The following ROBO2 variants were observed in gnomAD, a reference collection of about 807,000 sequenced individuals.
The protein encoded by ROBO2 is roundabout homolog 2.
A neutral mutation model predicts 160.8 loss-of-function variants in ROBO2; 53 were observed. The observed-to-expected ratio is 0.33, with a 90% confidence interval of 0.26 to 0.41. The LOEUF is 0.41. ROBO2 is among the 10% of genes least tolerant of loss of function. The pLI, the probability that ROBO2 is intolerant of heterozygous loss-of-function variation, is 1.00. For synonymous variants in ROBO2, 664 were observed against 611.7 expected (o/e 1.09, Z -1.26); for missense variants, 1,577 against 1,722.4 (o/e 0.92, Z 1.49).
intron 2 of ROBO2, among the ~76,000 whole-genome samples, chr3:76,602,137 T>A (rs1158907088): frequency 1.3e-5 from 2 of 152,224 alleles, no homozygotes; most frequent in Non-Finnish European, 2.9e-5. Flanking sequence ...TTATTGTTCA[T>A]ATCACTATCA....
chr3:76,477,067 C>T (rs1283793130), intron 2 of ROBO2, among the ~76,000 whole-genome samples: 1 of 152,116 alleles, frequency 6.6e-6, no homozygotes, highest in Non-Finnish European at 1.5e-5. Context: ...CTGTAAAATG[C>T]AAATGATCCT....
intron 2 of ROBO2, among the ~76,000 whole-genome samples, chr3:77,272,140 C>A (rs2059532046): frequency 6.6e-6 from 1 of 152,160 alleles, no homozygotes; most frequent in African/African-American, 2.4e-5. Flanking sequence ...TGGGGAATTA[C>A]AGAAACTGAT....
At chr3:76,567,830 G>T (rs2084697152) in intron 2 of ROBO2, among the ~76,000 whole-genome samples, 3 of 136,534 alleles carry the variant, frequency 2.2e-5, no homozygotes, top group South Asian at 2.3e-4. Context: ...TTTTGGGGGG[G>T]GTTGGACAGA....
intron 2 of ROBO2, among the ~76,000 whole-genome samples, chr3:77,276,128 T>A (rs2059807556): frequency 6.6e-6 from 1 of 152,014 alleles, no homozygotes; most frequent in Non-Finnish European, 1.5e-5. Flanking sequence ...TGTACTCCCT[T>A]CCACTGCCCT....
At chr3:76,690,467 T>C (rs2092777380) in intron 2 of ROBO2, among the ~76,000 whole-genome samples, 1 of 151,992 alleles carries the variant, frequency 6.6e-6, no homozygotes, top group Non-Finnish European at 1.5e-5. Context: ...CAAGGCACCA[T>C]CTTGGAATCA....
chr3:77,249,949 T>C (rs1380344655), intron 2 of ROBO2, among the ~76,000 whole-genome samples: 2 of 151,906 alleles, frequency 1.3e-5, no homozygotes, highest in African/African-American at 2.4e-5. Context: ...CTTGAAGAAC[T>C]CTGCATTTAA....
chr3:76,475,439 G>T (rs575347686), intron 2 of ROBO2, among the ~76,000 whole-genome samples: 2 of 152,182 alleles, frequency 1.3e-5, no homozygotes, highest in South Asian at 2.1e-4. Flanking sequence ...TGAGCGAGAT[G>T]GGAAGCCAGA....
At chr3:76,789,694 T>A (rs2063224942) in intron 2 of ROBO2, among the ~76,000 whole-genome samples, 1 of 151,626 alleles carries the variant, frequency 6.6e-6, no homozygotes, top group Admixed American at 6.6e-5. Flanking sequence ...AGTTTATAAG[T>A]GAAAAAGGAC....
At chr3:76,262,602 T>G (rs1263200646) in intron 2 of ROBO2, among the ~76,000 whole-genome samples, 3 of 152,170 alleles carry the variant, frequency 2.0e-5, no homozygotes, top group African/African-American at 7.2e-5. Context: ...GGGTTGTCCC[T>G]AAAGCTGGAT....
intron 2 of ROBO2, among the ~76,000 whole-genome samples, chr3:76,401,005 A>G (rs2077781796): frequency 6.6e-6 from 1 of 151,616 alleles, no homozygotes. Context: ...CTGCTGAACC[A>G]TAAGAAATTA....
At chr3:77,206,042 C>T (rs1050403587) in intron 2 of ROBO2, among the ~76,000 whole-genome samples, 21 of 152,146 alleles carry the variant, frequency 1.4e-4, no homozygotes, top group African/African-American at 2.2e-4. Context: ...TTTTCTGGTG[C>T]CCTCAGGCAT....
chr3:76,524,867 T>C (rs370459240), intron 2 of ROBO2, among the ~76,000 whole-genome samples: 1 of 55,390 alleles, frequency 1.8e-5, no homozygotes, highest in Non-Finnish European at 3.4e-5. Flanking sequence ...AAAAAAAAAA[T>C]AAGTAAAATC....
At chr3:76,221,583 A>T (rs1039864500) in intron 2 of ROBO2, among the ~76,000 whole-genome samples, 22 of 152,198 alleles carry the variant, frequency 1.4e-4, no homozygotes, top group African/African-American at 4.8e-4. Flanking sequence ...TGCTTCAGAG[A>T]ATATACAACC....
chr3:77,278,916 T>A (rs1326528312), intron 2 of ROBO2, among the ~76,000 whole-genome samples: 1 of 152,122 alleles, frequency 6.6e-6, no homozygotes, highest in Non-Finnish European at 1.5e-5. Flanking sequence ...ATTGTTCTAA[T>A]CGTAATCATG....
At chr3:77,017,770 C>T (rs1350729182) in intron 2 of ROBO2, among the ~76,000 whole-genome samples, 1 of 151,786 alleles carries the variant, frequency 6.6e-6, no homozygotes, top group East Asian at 1.9e-4. Flanking sequence ...TCTTGACCTG[C>T]ACCCTAATTT....
chr3:76,839,387 A>C (rs2068015655), intron 2 of ROBO2, among the ~76,000 whole-genome samples: 1 of 152,158 alleles, frequency 6.6e-6, no homozygotes, highest in South Asian at 2.1e-4. Flanking sequence ...CATGAGGCTT[A>C]GGAACCTTAT....
At chr3:76,637,423 T>TA (rs58418609) in intron 2 of ROBO2, among the ~76,000 whole-genome samples, 38 of 141,520 alleles carry the variant, frequency 2.7e-4, no homozygotes, top group South Asian at 8.9e-4. Flanking sequence ...GTTCTAGAAA[T>TA]AAAAAAAAAA....
chr3:76,725,103 G>A (rs1394518591), intron 2 of ROBO2, among the ~76,000 whole-genome samples: 1 of 152,124 alleles, frequency 6.6e-6, no homozygotes, highest in Non-Finnish European at 1.5e-5. Flanking sequence ...GAGAAAATAA[G>A]TTTGTTGTTT....
At chr3:77,532,342 A>C (rs1438517538) in intron 6 of ROBO2, among the ~76,000 whole-genome samples, 2 of 152,086 alleles carry the variant, frequency 1.3e-5, no homozygotes, top group African/African-American at 4.8e-5. Context: ...TTACCATATG[A>C]ATATGCATGT....
Sources: gnomAD v4.1 joint callset for allele counts (sites outside exome capture counted in the v4.1 genomes callset) on GRCh38, gnomAD v4.1.1 for gene constraint, MANE v1.5 for transcripts, NCBI Gene and HGNC (gene_info 2026-07-23, HGNC 2026-07-21) for gene names.